Variants in DOCK3 observed in about 807,000 individuals in gnomAD.
The protein encoded by DOCK3 is dedicator of cytokinesis 3.
Under a neutral mutation model 265.6 loss-of-function variants are expected in DOCK3, and 60 were observed. That is an observed-to-expected ratio of 0.23 (90% CI 0.18 to 0.28). The LOEUF is 0.28. DOCK3 is among the 10% of genes least tolerant of loss of function. The probability of loss-of-function intolerance (pLI) is 1.00; values close to 1 mark genes in which losing one functional copy is unlikely to be tolerated. For missense variants in DOCK3, 1,981 were observed against 2,594.3 expected, an observed-to-expected ratio of 0.76 and a Z score of 5.14; for synonymous variants, 881 against 938.0, an observed-to-expected ratio of 0.94 and a Z score of 1.11.
At chr3:50,697,280 G>T (rs1354683708) in intron 1 of DOCK3, among the ~76,000 whole-genome samples, 1 of 151,962 alleles carries the variant, frequency 6.6e-6, no homozygotes, top group Non-Finnish European at 1.5e-5. Flanking sequence ...TTACTTAATT[G>T]AAATGAAGAG....
intron 5 of DOCK3, among the ~76,000 whole-genome samples, chr3:51,018,970 G>T (rs901903520): frequency 1.3e-5 from 2 of 151,818 alleles, no homozygotes; most frequent in South Asian, 2.1e-4. Context: ...TTTAATCCCA[G>T]TGGTGTCTTT....
chr3:51,142,407 C>T (rs1008820115), intron 9 of DOCK3, among the ~76,000 whole-genome samples: 3 of 152,186 alleles, frequency 2.0e-5, no homozygotes, highest in East Asian at 1.9e-4. Flanking sequence ...CCCTACCCTT[C>T]TTCCCCAGCC....
At chr3:50,971,824 C>T (rs2077244705) in intron 5 of DOCK3, among the ~76,000 whole-genome samples, 1 of 152,178 alleles carries the variant, frequency 6.6e-6, no homozygotes, top group African/African-American at 2.4e-5. Context: ...TCTGAACCCC[C>T]ATGCTTACTC....
intron 14 of DOCK3, among the ~76,000 whole-genome samples, chr3:51,219,356 A>G (rs1042717670): frequency 6.6e-6 from 1 of 151,902 alleles, no homozygotes; most frequent in East Asian, 1.9e-4. Flanking sequence ...CATTTGTTTC[A>G]TGGAATGTTG....
At chr3:50,984,129 A>G (rs894939482) in intron 5 of DOCK3, among the ~76,000 whole-genome samples, 1 of 151,978 alleles carries the variant, frequency 6.6e-6, no homozygotes, top group Non-Finnish European at 1.5e-5. Flanking sequence ...CAGGTGTGGG[A>G]TCCAGGCCAG....
In DOCK3 at chr3:50,973,407, C is replaced by A. The variant is rs62257836; in HGVS notation, c.315+39330C>A. Among the ~76,000 whole-genome samples, 370 of 142,742 alleles carry A rather than the reference C, an allele frequency of 2.6e-3. 1 individual carries two copies. Among genetic ancestry groups the A allele is most frequent in the African/African-American group, 9.3e-3 (356 of 38,194 alleles). The allele number at this position is 142,742 out of a possible 152,430, so 93.6% of individuals were successfully genotyped here. A position where few individuals can be genotyped will look rare whatever the true frequency, so the allele number is the denominator to read the frequency against. On this transcript the variant is annotated intron_variant, in intron 5 of 52. Transcript: ENST00000266037. ...TGCGGTGTTTGGTTTTTTGTTCTTG[C>A]GATAGTTTACTGAGAATGATGATTT... is the stretch of plus-strand genomic sequence containing the variant.
At chr3:51,157,533 GC>G (rs1398184569) in intron 10 of DOCK3, among the ~76,000 whole-genome samples, 1 of 152,122 alleles carries the variant, frequency 6.6e-6, no homozygotes, top group African/African-American at 2.4e-5. Context: ...GACATATGCC[GC>G]CATGCCTGGC....
intron 3 of DOCK3, among the ~76,000 whole-genome samples, chr3:50,847,758 C>T (rs983252459): frequency 2.0e-5 from 3 of 151,734 alleles, no homozygotes; most frequent in African/African-American, 7.3e-5. Flanking sequence ...GTAGTGTATA[C>T]CTGTAGTCCC....
chr3:51,248,395 G>A (rs1576526626), intron 22 of DOCK3, among the ~76,000 whole-genome samples: 1 of 152,238 alleles, frequency 6.6e-6, no homozygotes, highest in Non-Finnish European at 1.5e-5. Flanking sequence ...GGGTTTCGCT[G>A]TGTTGGCCGG....
intron 5 of DOCK3, among the ~76,000 whole-genome samples, chr3:51,042,740 C>G (rs1239531546): frequency 6.6e-6 from 1 of 152,118 alleles, no homozygotes; most frequent in Non-Finnish European, 1.5e-5. Context: ...ACAATGTCAG[C>G]AAAGTCCCAG....
At chr3:51,155,490 A>G (rs775708168) in intron 10 of DOCK3, among the ~76,000 whole-genome samples, 3 of 152,174 alleles carry the variant, frequency 2.0e-5, no homozygotes, top group South Asian at 2.1e-4. Context: ...GTGTGCTGCA[A>G]AGTCTCAGAG....
At chr3:51,325,318 T>C (rs2084029081) in intron 32 of DOCK3, among the ~76,000 whole-genome samples, 1 of 152,080 alleles carries the variant, frequency 6.6e-6, no homozygotes, top group African/African-American at 2.4e-5. Context: ...AAAAAGCTCA[T>C]CATCACTGGT....
At chr3:51,209,004 T>A (rs2089367937) in intron 13 of DOCK3, 142 bp downstream of exon 13, 2 of 725,444 alleles carry the variant, frequency 2.8e-6, no homozygotes, top group East Asian at 2.7e-5. Flanking sequence ...TACTCATTCT[T>A]TTTGTAATAA....
At chr3:51,360,376 A>C in intron 46 of DOCK3, 135 bp from the exon 47 acceptor site, 1 of 1,167,632 alleles carries the variant, frequency 8.6e-7, no homozygotes, top group Non-Finnish European at 1.2e-6. Context: ...GGAAGTCAGC[A>C]GTTCAGGTTC....
intron 9 of DOCK3, among the ~76,000 whole-genome samples, chr3:51,128,526 C>T (rs1456154795): frequency 1.3e-5 from 2 of 152,168 alleles, no homozygotes; most frequent in African/African-American, 2.4e-5. Flanking sequence ...GGTCAGAATA[C>T]CATGACGGTG....
At chr3:51,278,090 A>G (rs1414523989) in intron 26 of DOCK3, 2 of 985,094 alleles carry the variant, frequency 2.0e-6, no homozygotes, top group African/African-American at 1.8e-5. Context: ...AAAACAGACT[A>G]TTTCTTCTAG....
chr3:51,334,927 A>G (rs2084762640), intron 35 of DOCK3, among the ~76,000 whole-genome samples: 1 of 152,168 alleles, frequency 6.6e-6, no homozygotes, highest in African/African-American at 2.4e-5. Context: ...GGTATCTACA[A>G]AAAGGCCAAA....
chr3:51,041,173 TATATATATATATATATA>T (rs2080472745), intron 5 of DOCK3, among the ~76,000 whole-genome samples: 1 of 10,912 alleles, frequency 9.2e-5, no homozygotes, highest in African/African-American at 2.7e-4. Context: ...TATATATATA[TATATATATATATATATA>T]TATATATATA....
chr3:51,107,048 T>TA (rs1347141555), intron 9 of DOCK3, among the ~76,000 whole-genome samples: 1 of 152,250 alleles, frequency 6.6e-6, no homozygotes, highest in Non-Finnish European at 1.5e-5. Context: ...CCAAGCTTGA[T>TA]ATCAGTTTCC....
Sources: allele counts gnomAD v4.1 joint callset (sites outside exome capture counted in the v4.1 genomes callset), GRCh38; gene constraint gnomAD v4.1.1; transcripts MANE v1.5; gene names NCBI Gene and HGNC (gene_info 2026-07-23, HGNC 2026-07-21).